The following DCC variants were observed in gnomAD, a reference collection of about 807,000 sequenced individuals.
DCC encodes the protein netrin receptor DCC.
In DCC, 58 loss-of-function variants were observed where a neutral mutation model predicts 172.5. That is an observed-to-expected ratio of 0.34 (90% CI 0.27 to 0.42). DCC has a LOEUF of 0.42. Among genes scored for constraint, DCC ranks in the 10% least tolerant of loss-of-function variants. The pLI, the probability that DCC is intolerant of heterozygous loss-of-function variation, is 1.00. For missense variants in DCC, 1,740 were observed against 1,791.0 expected (o/e 0.97, Z 0.51); for synonymous variants, 709 against 644.5 (o/e 1.10, Z -1.52).
chr18:52,820,725 C>T (rs1367406016), intron 2 of DCC, among the ~76,000 whole-genome samples: 8 of 152,180 alleles, frequency 5.3e-5, no homozygotes. Context: ...AGAGGTGATA[C>T]ATCCCAGAGT....
intron 1 of DCC, among the ~76,000 whole-genome samples, chr18:52,473,641 C>T (rs575174950): frequency 3.3e-5 from 5 of 152,224 alleles, no homozygotes; most frequent in Admixed American, 6.5e-5. Flanking sequence ...CATCAGCTCT[C>T]GTGAGAACTA....
intron 15 of DCC, among the ~76,000 whole-genome samples, chr18:53,366,323 C>T (rs1226706093): frequency 6.6e-6 from 1 of 152,164 alleles, no homozygotes; most frequent in Non-Finnish European, 1.5e-5. Context: ...GGTGGGATTA[C>T]AGGTGTGAGC....
At chr18:53,178,937 T>A in intron 8 of DCC, 25 bp from the exon 9 acceptor site, 1 of 1,613,716 alleles carries the variant, frequency 6.2e-7, no homozygotes, top group Non-Finnish European at 8.5e-7. Context: ...TGGAATAATC[T>A]TTCTCTGCAA....
At chr18:52,431,685 C>T (rs1043724816) in intron 1 of DCC, among the ~76,000 whole-genome samples, 1 of 152,114 alleles carries the variant, frequency 6.6e-6, no homozygotes, top group Non-Finnish European at 1.5e-5. Flanking sequence ...AGTGAAGGGT[C>T]GTAGCTCCAC....
intron 5 of DCC, among the ~76,000 whole-genome samples, chr18:53,040,139 A>C (rs1181051635): frequency 6.6e-6 from 1 of 152,050 alleles, no homozygotes; most frequent in African/African-American, 2.4e-5. Context: ...TATAGATAAC[A>C]AACTGAGTGA....
At chr18:52,828,479 T>C (rs1192016623) in intron 2 of DCC, among the ~76,000 whole-genome samples, 3 of 152,054 alleles carry the variant, frequency 2.0e-5, no homozygotes, top group Non-Finnish European at 4.4e-5. Flanking sequence ...GTTTTGATCA[T>C]GTGATCTAGT....
At chr18:52,419,324 C>T (rs2144428394) in intron 1 of DCC, 1 of 152,268 alleles carries the variant, frequency 6.6e-6, no homozygotes, top group Non-Finnish European at 1.5e-5. Context: ...GGCTGATTAT[C>T]TTGGCCTGCA....
chr18:53,429,257 G>A (rs1189853704), intron 21 of DCC, among the ~76,000 whole-genome samples: 1 of 51,976 alleles, frequency 1.9e-5, no homozygotes, highest in African/African-American at 4.1e-5. Flanking sequence ...TCCTACTTTA[G>A]AAGATGGTCT....
intron 12 of DCC, among the ~76,000 whole-genome samples, chr18:53,294,280 C>T (rs2057040077): frequency 6.6e-6 from 1 of 152,076 alleles, no homozygotes; most frequent in East Asian, 1.9e-4. Flanking sequence ...TGAAAAAGAT[C>T]TTGGGGATGA....
intron 5 of DCC, among the ~76,000 whole-genome samples, chr18:52,970,847 C>G (rs995947428): frequency 6.6e-6 from 1 of 152,112 alleles, no homozygotes; most frequent in Non-Finnish European, 1.5e-5. Context: ...TATTATTAGG[C>G]AAAATTACAA....
At chr18:52,590,779 C>T (rs1320012862) in intron 1 of DCC, among the ~76,000 whole-genome samples, 1 of 152,186 alleles carries the variant, frequency 6.6e-6, no homozygotes, top group East Asian at 1.9e-4. Context: ...AATACTTGTG[C>T]TTAATTAAGT....
In DCC at chr18:53,370,196, G is replaced by T. The variant is rs147979747; in HGVS notation, c.2360-15847G>T. On this transcript the variant is annotated intron_variant, in intron 15 of 28. Coordinates refer to ENST00000442544, the MANE Select transcript of DCC (RefSeq NM_005215.4). ...AGTCTTGGTTGGTAGTATGTTTGTA[G>T]GAATGTGTCCATTTTATCTTTGTTA... 4.0e-5 allele frequency among the ~76,000 whole-genome samples: 6 copies of T among 151,766 alleles called. No homozygotes were observed. The East Asian group carries it at 1.2e-3, about 29-fold the overall frequency.
chr18:53,357,052 G>A (rs2057886108), intron 15 of DCC, among the ~76,000 whole-genome samples: 1 of 152,064 alleles, frequency 6.6e-6, no homozygotes, highest in Non-Finnish European at 1.5e-5. Context: ...GTTGATCCAG[G>A]CAAGCGGGAT....
chr18:52,990,193 T>C (rs1363188792), intron 5 of DCC, among the ~76,000 whole-genome samples: 7 of 152,130 alleles, frequency 4.6e-5, no homozygotes. Flanking sequence ...AGTGATCTTT[T>C]CTCAATACTA....
chr18:53,201,739 C>A (rs1054882539), intron 9 of DCC, among the ~76,000 whole-genome samples: 45 of 152,146 alleles, frequency 3.0e-4, no homozygotes, highest in African/African-American at 1.0e-3. Flanking sequence ...CACTTTAAGA[C>A]TCCTCGTTGT....
chr18:52,785,384 A>G (rs972877781), intron 2 of DCC, among the ~76,000 whole-genome samples: 1 of 152,064 alleles, frequency 6.6e-6, no homozygotes, highest in Non-Finnish European at 1.5e-5. Context: ...AGAGAAAAGC[A>G]TTACCAAAGA....
At chr18:53,460,998 T>A (rs946780922) in intron 24 of DCC, among the ~76,000 whole-genome samples, 4 of 152,228 alleles carry the variant, frequency 2.6e-5, no homozygotes, top group Non-Finnish European at 4.4e-5. Flanking sequence ...TGATATCTCA[T>A]TGTGGTTTTG....
chr18:52,761,147 G>T (rs1366415630), intron 2 of DCC, among the ~76,000 whole-genome samples: 1 of 152,164 alleles, frequency 6.6e-6, no homozygotes, highest in Non-Finnish European at 1.5e-5. Flanking sequence ...ATGGCGGAAG[G>T]CAAGGAGGAG....
chr18:52,671,493 T>C (rs1174744727), intron 1 of DCC, among the ~76,000 whole-genome samples: 1 of 151,724 alleles, frequency 6.6e-6, no homozygotes, highest in Non-Finnish European at 1.5e-5. Flanking sequence ...TTTTCTTTTT[T>C]CCCCGTCACA....
Sources: gnomAD v4.1 joint callset for allele counts (sites outside exome capture counted in the v4.1 genomes callset) on GRCh38, gnomAD v4.1.1 for gene constraint, MANE v1.5 for transcripts, NCBI Gene and HGNC (gene_info 2026-07-23, HGNC 2026-07-21) for gene names.